Variants in DAGLA observed in about 807,000 individuals in gnomAD.
DAGLA encodes diacylglycerol lipase-alpha.
Under a neutral mutation model 102.6 loss-of-function variants are expected in DAGLA, and 22 were observed. The ratio of observed to expected loss-of-function variants is 0.21; its 90% CI spans 0.15 to 0.31. The LOEUF is 0.31. Among genes scored for constraint, DAGLA ranks in the 10% least tolerant of loss-of-function variants. The pLI, the probability that DAGLA is intolerant of heterozygous loss-of-function variation, is 1.00. For synonymous variants in DAGLA, 578 were observed against 628.9 expected, an observed-to-expected ratio of 0.92 and a Z score of 1.21; for missense variants, 927 against 1,446.6, an observed-to-expected ratio of 0.64 and a Z score of 5.83.
rs1193441349 is a variant in DAGLA, at chr11:61,724,370, T to G, written c.548+798T>G. Among the ~76,000 whole-genome samples, 3 of 152,166 alleles carry G rather than the reference T, an allele frequency of 2.0e-5. No individual in the cohort carries two copies. The East Asian group carries it at 5.8e-4, about 29-fold the overall frequency. On this transcript the variant is annotated intron_variant, in intron 5 of 19. Transcript: ENST00000257215. ...TCCCCATGCCAAGCCCTTTACGCAA[T>G]TCATCCATTTAATCCCTTTGTGAAC...
intron 1 of DAGLA, among the ~76,000 whole-genome samples, chr11:61,696,731 G>C (rs1253202059): frequency 6.6e-6 from 1 of 152,168 alleles, no homozygotes; most frequent in Non-Finnish European, 1.5e-5. Context: ...ACATCTTTGG[G>C]CCATCCCAGC....
At position 61,734,879 on chromosome 11, in the gene DAGLA, C is replaced by T. The variant is rs73485460; in HGVS notation, c.1005C>T (p.Phe335=). The part of the protein sequence containing the change: ...SCCLCPARPR[F]APGVTIEEDN... Reference sequence around the variant, plus strand: ...GCCTGTGTCCTGCGAGGCCGCGGTTCGCCCCTGGAGTCACCATCGAGGAAG... The same window carrying T: ...GCCTGTGTCCTGCGAGGCCGCGGTTTGCCCCTGGAGTCACCATCGAGGAAG... Residue 335 remains phenylalanine (F), a synonymous_variant, in exon 10 of 20, where the codon TTC becomes TTT. Coordinates refer to ENST00000257215, the MANE Select transcript of DAGLA (RefSeq NM_006133.3). This position sits in a 1 kb window ranked among gnomAD's most constrained non-coding sequence, Gnocchi z 4.2. 1,918 of 1,613,858 alleles carry T rather than the reference C, an allele frequency of 1.2e-3. 24 individuals are homozygous for T. The African/African-American group carries it at 0.024, about 20-fold the overall frequency.
chr11:61,744,577 G>C lies in DAGLA; in HGVS notation c.*88G>C, dbSNP rs745984279. On this transcript the variant is annotated 3_prime_UTR_variant, in exon 20 of 20. Coordinates refer to ENST00000257215, the MANE Select transcript of DAGLA (RefSeq NM_006133.3). ...CCTGCCCCCTGCCGGGCAGCTTTAAGGACAGACCCCCAGGGGCAGTTTAGC... is the reference window on the plus strand; with the variant it reads ...CCTGCCCCCTGCCGGGCAGCTTTAACGACAGACCCCCAGGGGCAGTTTAGC... The C allele has an allele frequency of 3.8e-5, 45 of 1,187,184 alleles. No homozygotes were observed. The highest frequency in any genetic ancestry group is 5.1e-5 in the Non-Finnish European group (43 of 850,390). The allele number at this position is 1,187,184 out of a possible 1,614,324, so 73.5% of individuals were successfully genotyped here.
intron 1 of DAGLA, among the ~76,000 whole-genome samples, chr11:61,682,969 G>A (rs1450378581): frequency 6.6e-6 from 1 of 152,148 alleles, no homozygotes; most frequent in Non-Finnish European, 1.5e-5. Context: ...ACTTCTGGCT[G>A]AAGTGCCTTC....
chr11:61,708,634 C>T (rs1040551977), intron 1 of DAGLA, among the ~76,000 whole-genome samples: 5 of 149,570 alleles, frequency 3.3e-5, no homozygotes, highest in East Asian at 2.0e-4. Flanking sequence ...CCACCCGCCT[C>T]GGCCTCCCAA....
chr11:61,698,991 C>A (rs578134132), intron 1 of DAGLA, among the ~76,000 whole-genome samples: 3 of 152,182 alleles, frequency 2.0e-5, no homozygotes, highest in Admixed American at 2.0e-4. Flanking sequence ...GCATGCAGAC[C>A]GCCTGCAGAG....
chr11:61,714,456 G>A (rs2017861), intron 1 of DAGLA, among the ~76,000 whole-genome samples: 29,729 of 152,296 alleles, frequency 0.2, 3,703 homozygotes, highest in Middle Eastern at 0.31. Context: ...ATGCCTCCCT[G>A]CAGGTTTATC....
intron 9 of DAGLA, 96 bp downstream of exon 9, chr11:61,731,537 A>G: frequency 6.6e-7 from 1 of 1,513,868 alleles, no homozygotes; most frequent in Non-Finnish European, 8.9e-7. Context: ...CTTTGCCCTG[A>G]ATGGCTTCTT....
Position 61,737,692 on chromosome 11 carries a change from A to G in DAGLA, c.1520A>G (p.Asp507Gly). ...YSPPGGLLSE[D>G]AMEYSKEFVT... ...TGCTTCGGCTTCCCTTGCAGTGAGG[A>G]TGCGATGGAGTATTCCAAGGAGTTC... is the stretch of plus-strand genomic sequence containing the variant. The change falls in exon 15 of 20, where the codon GAT becomes GGT. Residue 507 changes from aspartate (D) to glycine (G), a missense_variant. Physicochemically the swap from Asp to Gly is moderately conservative, Grantham distance 94. This residue lies in a region of DAGLA where 218 missense variants were observed against 459.6 expected (regional missense o/e 0.47). Transcript: ENST00000257215. 6.2e-7 allele frequency: 1 copy of G among 1,613,710 alleles called. No homozygotes were observed. Among genetic ancestry groups the G allele is most frequent in the Non-Finnish European group, 8.5e-7 (1 of 1,179,800 alleles).
At chr11:61,725,500 G>A (rs922825428) in intron 5 of DAGLA, among the ~76,000 whole-genome samples, 1 of 152,196 alleles carries the variant, frequency 6.6e-6, no homozygotes, top group African/African-American at 2.4e-5. Flanking sequence ...AAGTATGTAA[G>A]TGTCTGAAAT....
At chr11:61,715,492 C>A (rs2065229271) in intron 1 of DAGLA, among the ~76,000 whole-genome samples, 1 of 152,190 alleles carries the variant, frequency 6.6e-6, no homozygotes, top group Admixed American at 6.5e-5. Context: ...CTCTTGGAGC[C>A]CCATCTGCTG....
chr11:61,744,495 C>T lies in DAGLA; in HGVS notation c.*6C>T, dbSNP rs752452596. ...TGGTCATCTCAGCACGCTAGCACCC[C>T]AGTTGCGTGGCCAGCCGGGCCCAGG... On this transcript the variant is annotated 3_prime_UTR_variant, in exon 20 of 20. Transcript: ENST00000257215. The T allele has an allele frequency of 1.3e-6, 2 of 1,536,798 alleles. No individual in the cohort carries two copies. Among genetic ancestry groups the T allele is most frequent in the African/African-American group, 1.4e-5 (1 of 72,668 alleles).
At chr11:61,735,883 G>A (rs2065418917) in intron 12 of DAGLA, 67 bp downstream of exon 12, 2 of 1,436,108 alleles carry the variant, frequency 1.4e-6, no homozygotes, top group Admixed American at 4.1e-5. Context: ...GCAGAGGCGT[G>A]TATGGTTGGG....
chr11:61,693,885 G>A (rs1257656429), intron 1 of DAGLA, among the ~76,000 whole-genome samples: 3 of 152,250 alleles, frequency 2.0e-5, no homozygotes, highest in Non-Finnish European at 4.4e-5. Context: ...CCCTGATGAT[G>A]CCCAGCACTC....
intron 1 of DAGLA, among the ~76,000 whole-genome samples, chr11:61,715,564 G>T (rs2065229769): frequency 6.6e-6 from 1 of 152,238 alleles, no homozygotes; most frequent in African/African-American, 2.4e-5. Context: ...AGCCCACAGG[G>T]TACCTTAGGA....
intron 1 of DAGLA, among the ~76,000 whole-genome samples, chr11:61,717,755 G>C (rs927144545): frequency 6.6e-6 from 1 of 152,144 alleles, no homozygotes; most frequent in African/African-American, 2.4e-5. Context: ...CGGCCCCCAG[G>C]AGCCCCGCCT....
intron 1 of DAGLA, among the ~76,000 whole-genome samples, chr11:61,693,333 TAA>T (rs1348714055): frequency 6.6e-6 from 1 of 151,728 alleles, no homozygotes; most frequent in Admixed American, 6.6e-5. Flanking sequence ...AATAAAAAGA[TAA>T]GTCTTTTTCT....
intron 18 of DAGLA, 123 bp from the exon 19 acceptor site, chr11:61,741,039 G>A: frequency 1.1e-6 from 1 of 913,278 alleles, no homozygotes; most frequent in Non-Finnish European, 1.6e-6. Flanking sequence ...GAGGAGAGTG[G>A]GACCCAAGTG....
intron 5 of DAGLA, among the ~76,000 whole-genome samples, chr11:61,725,241 A>T (rs1301466303): frequency 6.6e-6 from 1 of 152,194 alleles, no homozygotes. Flanking sequence ...GACTGCAGAC[A>T]TCCAGCCTAG....
Sources: gnomAD v4.1 joint callset for allele counts (sites outside exome capture counted in the v4.1 genomes callset) on GRCh38, gnomAD v4.1.1 for gene constraint, gnomAD v4.1.1 regional missense constraint, Gnocchi (gnomAD v3.1) non-coding constraint, MANE v1.5 for transcripts, NCBI Gene and HGNC (gene_info 2026-07-23, HGNC 2026-07-21) for gene names.